Variants in STON2 observed in about 807,000 individuals in gnomAD.
The protein encoded by STON2 is stonin-2.
STON2 carries 29 observed loss-of-function variants against 65.7 expected under a neutral mutation model. The ratio of observed to expected loss-of-function variants is 0.44; its 90% confidence interval spans 0.33 to 0.60. The LOEUF is 0.60. Ranked by LOEUF, STON2 falls within the 20% of genes least tolerant of loss-of-function variation. The pLI is 0.03. For synonymous variants in STON2, 404 were observed against 414.2 expected (o/e 0.98, Z 0.30); for missense variants, 1,054 against 1,118.1 (o/e 0.94, Z 0.82).
chr14:81,375,954 A>T (rs575992886), intron 3 of STON2, among the ~76,000 whole-genome samples: 2 of 151,654 alleles, frequency 1.3e-5, no homozygotes, highest in South Asian at 4.2e-4. Context: ...ATTAAGAAAC[A>T]TACTTCTAAA....
chr14:81,382,177 C>T (rs1899554456), intron 3 of STON2, among the ~76,000 whole-genome samples: 1 of 151,776 alleles, frequency 6.6e-6, no homozygotes, highest in Admixed American at 6.6e-5. Context: ...TGAGATCGTG[C>T]CACTGCATTC....
At chr14:81,387,402 C>A (rs1265619030) in intron 3 of STON2, among the ~76,000 whole-genome samples, 6 of 152,074 alleles carry the variant, frequency 3.9e-5, no homozygotes, top group Admixed American at 2.0e-4. Context: ...TCAACATGGC[C>A]CGACTCAAAT....
chr14:81,293,621 C>T lies in STON2; in HGVS notation c.743-14882G>A, dbSNP rs188317998. 8.5e-4 allele frequency among the ~76,000 whole-genome samples: 130 copies of T among 152,274 alleles called. 1 individual carries two copies. The highest frequency in any genetic ancestry group is 7.0e-3 in the South Asian group (34 of 4,826). The stretch of plus-strand genomic sequence containing the variant: ...GCTTGGCTATGTGATTTGCTTTAGT[C>T]GAGATTAAATACATATATCTTAAGC... On this transcript the variant is annotated intron_variant, in intron 5 of 7. Coordinates refer to ENST00000614646, the MANE Select transcript of STON2 (RefSeq NM_001394390.1).
At position 81,267,895 on chromosome 14, in the gene STON2, A is replaced by C. The variant is rs1894418917; in HGVS notation, c.*519T>G. ...GTTAAAGAATGGAGACACCTCAAAA[A>C]GGTCTAGTAAGACCCAAAGAGGAAA... On this transcript the variant is annotated 3_prime_UTR_variant, in exon 8 of 8. Transcript: ENST00000614646. 2.0e-6 allele frequency: 2 copies of C among 985,424 alleles called. No individual in the cohort carries two copies. 61.0% of individuals were successfully genotyped at this position (985,424 alleles called of 1,614,324 possible).
intron 4 of STON2, 74 bp downstream of exon 4, chr14:81,370,914 A>G (rs1898954521): frequency 1.4e-6 from 2 of 1,398,744 alleles, no homozygotes; most frequent in East Asian, 2.3e-5. Flanking sequence ...AGCAATTTTT[A>G]AAAGGACTTT....
chr14:81,285,548 T>C (rs1003367787), intron 5 of STON2, among the ~76,000 whole-genome samples: 2 of 152,236 alleles, frequency 1.3e-5, no homozygotes, highest in Non-Finnish European at 2.9e-5. Context: ...TTTGCCTAAG[T>C]GCTCAGATTA....
chr14:81,322,551 C>CA (rs1187943077), intron 5 of STON2, among the ~76,000 whole-genome samples: 29 of 151,886 alleles, frequency 1.9e-4, no homozygotes, highest in Admixed American at 1.8e-3. Context: ...ACTAGAGCCG[C>CA]AAAAAAACAA....
chr14:81,357,493 G>A (rs1283943163), intron 4 of STON2, among the ~76,000 whole-genome samples: 11 of 150,584 alleles, frequency 7.3e-5, no homozygotes, highest in African/African-American at 1.9e-4. Flanking sequence ...TCAGTGTGGC[G>A]ATTCCTCAGG....
chr14:81,395,681 T>C, intron 3 of STON2: 2 of 581,232 alleles, frequency 3.4e-6, no homozygotes, highest in African/African-American at 1.9e-5. Context: ...ACTAGAAATG[T>C]CCTAGAACAC....
intron 4 of STON2, among the ~76,000 whole-genome samples, chr14:81,343,077 C>T (rs1897677209): frequency 6.6e-6 from 1 of 152,052 alleles, no homozygotes; most frequent in African/African-American, 2.4e-5. Context: ...GATACCAGTA[C>T]CGAGGGTTTA....
intron 4 of STON2, among the ~76,000 whole-genome samples, chr14:81,367,496 T>A (rs374315271): frequency 1.8e-4 from 28 of 152,168 alleles, no homozygotes; most frequent in African/African-American, 5.3e-4. Flanking sequence ...CATTTTTAAA[T>A]TCCCTGCTAC....
chr14:81,328,104 T>C lies in STON2; in HGVS notation c.572-3917A>G, dbSNP rs117935936. On this transcript the variant is annotated intron_variant, in intron 4 of 7. Transcript: ENST00000614646. ...CAAATAGTAGATACTCAATAAGTTG[T>C]AGTCATGACTAGTTTCATCGCTGTC... 1.3e-3 allele frequency among the ~76,000 whole-genome samples: 201 copies of C among 152,310 alleles called. 3 individuals are homozygous for C. In the East Asian group the frequency reaches 0.036, roughly 27 times the overall value.
intron 7 of STON2, 140 bp from the exon 8 acceptor site, chr14:81,268,637 T>G (rs1444007177): frequency 8.1e-7 from 1 of 1,229,774 alleles, no homozygotes; most frequent in Non-Finnish European, 1.0e-6. Context: ...ACATTGGAGC[T>G]ACTGGCCCTG....
At chr14:81,391,200 T>C (rs995975970) in intron 3 of STON2, among the ~76,000 whole-genome samples, 2 of 152,224 alleles carry the variant, frequency 1.3e-5, no homozygotes, top group African/African-American at 4.8e-5. Context: ...TTACTCAGCT[T>C]AGTATTACTG....
At chr14:81,415,998 G>A (rs1285624083) in intron 2 of STON2, among the ~76,000 whole-genome samples, 1 of 152,124 alleles carries the variant, frequency 6.6e-6, no homozygotes, top group Admixed American at 6.5e-5. Context: ...GGGAGCCCGG[G>A]GAGGCTTCCT....
At chr14:81,323,763 C>A (rs1456319616) in intron 5 of STON2, 1 of 151,882 alleles carries the variant, frequency 6.6e-6, no homozygotes, top group Non-Finnish European at 1.5e-5. Context: ...TTCTACAGTG[C>A]CAAAAGGGTA....
intron 4 of STON2, among the ~76,000 whole-genome samples, chr14:81,367,660 A>G (rs1341780972): frequency 2.0e-5 from 3 of 152,226 alleles, no homozygotes; most frequent in Non-Finnish European, 4.4e-5. Context: ...CAGGATGTTC[A>G]GGAAGAGCCT....
chr14:81,266,714 C>G lies in STON2; in HGVS notation c.*1700G>C. ...CTTTGTGAATAGCCATGATATATTT[C>G]TGATTCAACATTGAACCTCCATTTC... On this transcript the variant is annotated 3_prime_UTR_variant, in exon 8 of 8. Coordinates refer to ENST00000614646, the MANE Select transcript of STON2 (RefSeq NM_001394390.1). 1 of 985,342 alleles carries G rather than the reference C, an allele frequency of 1.0e-6. No individual in the cohort carries two copies. Among genetic ancestry groups the G allele is most frequent in the South Asian group, 4.7e-5 (1 of 21,280 alleles). 61.0% of individuals were successfully genotyped at this position (985,342 alleles called of 1,614,324 possible). A position where few individuals can be genotyped will look rare whatever the true frequency, so the allele number is the denominator to read the frequency against.
chr14:81,397,723 C>G (rs1409433092), intron 2 of STON2, among the ~76,000 whole-genome samples: 1 of 152,166 alleles, frequency 6.6e-6, no homozygotes, highest in East Asian at 1.9e-4. Context: ...ATATAGTCAT[C>G]CTCCTTATGA....
Sources: allele counts gnomAD v4.1 joint callset (sites outside exome capture counted in the v4.1 genomes callset), GRCh38; gene constraint gnomAD v4.1.1; transcripts MANE v1.5; gene names NCBI Gene and HGNC (gene_info 2026-07-23, HGNC 2026-07-21).